GMDS: variants seen among roughly 807,000 people sequenced by gnomAD.
The protein encoded by GMDS is GDP-mannose 4,6 dehydratase.
Under a neutral mutation model 49.9 loss-of-function variants are expected in GMDS, and 20 were observed. The ratio of observed to expected loss-of-function variants is 0.40; its 90% CI spans 0.28 to 0.58. GMDS has a LOEUF of 0.58. Among genes scored for constraint, GMDS ranks in the 20% least tolerant of loss-of-function variants. The pLI, the probability that GMDS is intolerant of heterozygous loss-of-function variation, is 0.42. For missense variants in GMDS, 362 were observed against 481.4 expected (o/e 0.75, Z 2.32); for synonymous variants, 177 against 178.6 (o/e 0.99, Z 0.07).
intron 6 of GMDS, chr6:1,951,883 A>G (rs1345619163): frequency 2.0e-6 from 2 of 985,156 alleles, no homozygotes; most frequent in East Asian, 2.3e-4. Context: ...TACAAAGATA[A>G]GAGCAGCTGA....
chr6:2,217,059 G>A (rs1780375032), intron 1 of GMDS, among the ~76,000 whole-genome samples: 1 of 152,152 alleles, frequency 6.6e-6, no homozygotes, highest in Non-Finnish European at 1.5e-5. Flanking sequence ...CACCTGGCCT[G>A]AGCGCTCAGC....
intron 6 of GMDS, among the ~76,000 whole-genome samples, chr6:1,937,611 C>G (rs1762613786): frequency 6.6e-6 from 1 of 152,210 alleles, no homozygotes; most frequent in African/African-American, 2.4e-5. Flanking sequence ...GTGGTCCAAT[C>G]TCTGCCCCCA....
intron 4 of GMDS, among the ~76,000 whole-genome samples, chr6:2,112,289 G>A (rs1774591298): frequency 6.6e-6 from 1 of 152,108 alleles, no homozygotes; most frequent in African/African-American, 2.4e-5. Flanking sequence ...GGCTTTAAAA[G>A]CTCATTAAGT....
chr6:2,071,142 C>T (rs887266819), intron 4 of GMDS, among the ~76,000 whole-genome samples: 3 of 152,188 alleles, frequency 2.0e-5, no homozygotes, highest in African/African-American at 7.2e-5. Context: ...ACCAAGCATT[C>T]CCTACTGAAC....
chr6:1,950,248 C>T (rs575369073), intron 6 of GMDS, among the ~76,000 whole-genome samples: 1 of 152,140 alleles, frequency 6.6e-6, no homozygotes, highest in African/African-American at 2.4e-5. Context: ...ATGCAGTGAA[C>T]CCTTCACACT....
intron 4 of GMDS, among the ~76,000 whole-genome samples, chr6:2,103,630 A>G (rs1228219349): frequency 6.6e-6 from 1 of 152,156 alleles, no homozygotes; most frequent in African/African-American, 2.4e-5. Context: ...CTTTTCTACA[A>G]CTCACTTCCG....
chr6:1,732,223 A>G (rs1463402236), intron 8 of GMDS, among the ~76,000 whole-genome samples: 1 of 152,182 alleles, frequency 6.6e-6, no homozygotes, highest in Non-Finnish European at 1.5e-5. Context: ...GCTACTCGGG[A>G]GGCTGAGGCA....
At chr6:2,093,423 G>C (rs1773428697) in intron 4 of GMDS, among the ~76,000 whole-genome samples, 1 of 152,166 alleles carries the variant, frequency 6.6e-6, no homozygotes. Flanking sequence ...CATTCAGGGT[G>C]TTTCAAATGA....
In GMDS at chr6:2,014,875, G is replaced by C. The variant is rs1767795421; in HGVS notation, c.346-53909C>G. On this transcript the variant is annotated intron_variant, in intron 4 of 10. Coordinates refer to ENST00000380815, the MANE Select transcript of GMDS (RefSeq NM_001500.4). ...CAGGTAGATCAAAAGTAAAGGGATG[G>C]ATAAGTGTATATCATGCCAACACTA... Among the ~76,000 whole-genome samples, 6 of 152,136 alleles carry C rather than the reference G, an allele frequency of 3.9e-5. No homozygotes were observed. In the South Asian group the frequency reaches 1.0e-3, roughly 26 times the overall value.
intron 7 of GMDS, among the ~76,000 whole-genome samples, chr6:1,859,766 G>A (rs1044192601): frequency 1.3e-5 from 2 of 152,066 alleles, no homozygotes; most frequent in African/African-American, 4.8e-5. Context: ...TGAAATCAGG[G>A]GACTGACAGG....
At chr6:1,944,428 C>G (rs906573991) in intron 6 of GMDS, among the ~76,000 whole-genome samples, 2 of 151,856 alleles carry the variant, frequency 1.3e-5, no homozygotes, top group African/African-American at 4.8e-5. Context: ...TGGCGTGAAT[C>G]TGGGAGGCAG....
chr6:1,924,350 G>A (rs567378930), intron 7 of GMDS, among the ~76,000 whole-genome samples: 2 of 152,208 alleles, frequency 1.3e-5, no homozygotes, highest in Non-Finnish European at 2.9e-5. Flanking sequence ...TGGGTTACCA[G>A]TAGGACCCTT....
intron 9 of GMDS, among the ~76,000 whole-genome samples, chr6:1,685,882 T>C (rs984220595): frequency 1.2e-4 from 19 of 152,252 alleles, no homozygotes; most frequent in African/African-American, 4.6e-4. Flanking sequence ...TGCAAAAATC[T>C]TCTTAAGCTT....
chr6:1,960,272 A>G (rs1367124934), intron 5 of GMDS, among the ~76,000 whole-genome samples: 4 of 152,194 alleles, frequency 2.6e-5, no homozygotes, highest in African/African-American at 7.2e-5. Context: ...GAGGAATTAG[A>G]ATGGAAAAAA....
chr6:1,968,639 G>A (rs907439589), intron 4 of GMDS, among the ~76,000 whole-genome samples: 15 of 152,084 alleles, frequency 9.9e-5, no homozygotes, highest in Admixed American at 2.0e-4. Flanking sequence ...GGAGAGAGGC[G>A]GCTATAGTCA....
chr6:2,035,237 A>T (rs940109908), intron 4 of GMDS, among the ~76,000 whole-genome samples: 4 of 152,144 alleles, frequency 2.6e-5, no homozygotes, highest in Non-Finnish European at 5.9e-5. Flanking sequence ...TTAATCATTA[A>T]CAAAGATGTC....
At position 2,129,458 on chromosome 6, in the gene GMDS, T is replaced by C. The variant is rs979470584; in HGVS notation, c.103-4727A>G. The stretch of plus-strand genomic sequence containing the variant: ...GAACTGCATGCTAAATCATACTGTA[T>C]GTTTCTACTTAAGCACCCTGTGGCG... On this transcript the variant is annotated intron_variant, in intron 1 of 10. Transcript: ENST00000380815. Among the ~76,000 whole-genome samples the C allele has an allele frequency of 3.3e-5, 5 of 152,362 alleles. No homozygotes were observed. In the East Asian group the frequency reaches 9.6e-4, roughly 29 times the overall value.
Position 1,830,853 on chromosome 6 carries a change from C to G in GMDS, c.772-88267G>C, listed in dbSNP as rs115193580. On this transcript the variant is annotated intron_variant, in intron 7 of 10. Coordinates refer to ENST00000380815, the MANE Select transcript of GMDS (RefSeq NM_001500.4). ...AAGAAATATATATAACTCTTAGAACCTCTTCGAGAATATGCCTGTTTTGTA... is the reference window on the plus strand; with the variant it reads ...AAGAAATATATATAACTCTTAGAACGTCTTCGAGAATATGCCTGTTTTGTA... 8.3e-4 allele frequency among the ~76,000 whole-genome samples: 127 copies of G among 152,252 alleles called. 2 individuals carry two copies. The highest frequency in any genetic ancestry group is 2.9e-3 in the African/African-American group (122 of 41,534).
At chr6:2,077,967 T>C (rs775765080) in intron 4 of GMDS, among the ~76,000 whole-genome samples, 3 of 152,058 alleles carry the variant, frequency 2.0e-5, no homozygotes, top group African/African-American at 2.4e-5. Flanking sequence ...TTACTGGTTA[T>C]TGGTTTGTTC....
Sources: gnomAD v4.1 joint callset for allele counts (sites outside exome capture counted in the v4.1 genomes callset) on GRCh38, gnomAD v4.1.1 for gene constraint, MANE v1.5 for transcripts, NCBI Gene and HGNC (gene_info 2026-07-23, HGNC 2026-07-21) for gene names.